ZFR2: variants seen among roughly 807,000 people sequenced by gnomAD.
The protein encoded by ZFR2 is zinc finger RNA binding protein 2.
ZFR2 carries 104 observed loss-of-function variants against 105.7 expected under a neutral mutation model. That is an observed-to-expected ratio of 0.98 (90% CI 0.84 to 1.16). The LOEUF (loss-of-function observed/expected upper bound fraction) is 1.16, where lower values mean the gene tolerates loss of function less well. Among genes scored for constraint, ZFR2 ranks in the 50% most tolerant of loss-of-function variants. The pLI, the probability that ZFR2 is intolerant of heterozygous loss-of-function variation, is 0.00. For missense variants in ZFR2, 1,425 were observed against 1,355.5 expected (o/e 1.05, Z -0.80); for synonymous variants, 634 against 597.7 (o/e 1.06, Z -0.89).
chr19:3,815,876 C>T (rs1462328874), intron 13 of ZFR2, among the ~76,000 whole-genome samples: 1 of 151,782 alleles, frequency 6.6e-6, no homozygotes, highest in African/African-American at 2.4e-5. Context: ...CTCAGCCTCC[C>T]GAGTAGCTGA....
intron 12 of ZFR2, among the ~76,000 whole-genome samples, chr19:3,818,156 G>T (rs2037846132): frequency 6.6e-6 from 1 of 152,266 alleles, no homozygotes; most frequent in South Asian, 2.1e-4. Flanking sequence ...TCAGTGTTGT[G>T]TGATGTGGAT....
intron 1 of ZFR2, chr19:3,851,972 G>T (rs1412568443): frequency 4.8e-6 from 1 of 210,322 alleles, no homozygotes; most frequent in African/African-American, 2.3e-5. Flanking sequence ...TACAGAAAAG[G>T]TCCGCTGACC....
Position 3,855,385 on chromosome 19 carries a change from C to G in ZFR2, c.53+13580G>C, listed in dbSNP as rs139628604. ...TTTGCGGGTTGCACTATGAGAAATTCTGTGTGTACAAAATACCTGACAGAA... is the reference window on the plus strand; with the variant it reads ...TTTGCGGGTTGCACTATGAGAAATTGTGTGTGTACAAAATACCTGACAGAA... On this transcript the variant is annotated intron_variant, in intron 1 of 18. Coordinates refer to ENST00000262961, the MANE Select transcript of ZFR2 (RefSeq NM_015174.2). 7.2e-4 allele frequency: 887 copies of G among 1,231,668 alleles called. 3 individuals carry two copies. In the African/African-American group the frequency reaches 0.012, roughly 17 times the overall value. The allele number at this position is 1,231,668 out of a possible 1,614,324, so 76.3% of individuals were successfully genotyped here.
intron 5 of ZFR2, among the ~76,000 whole-genome samples, chr19:3,830,276 T>C (rs1376758301): frequency 6.6e-6 from 1 of 151,966 alleles, no homozygotes; most frequent in African/African-American, 2.4e-5. Context: ...CCCATCTCTA[T>C]TGAAAATTTA....
chr19:3,817,086 G>A (rs928637499), intron 12 of ZFR2, among the ~76,000 whole-genome samples: 2 of 152,182 alleles, frequency 1.3e-5, no homozygotes, highest in Non-Finnish European at 2.9e-5. Flanking sequence ...CGGGACGCGT[G>A]GCCAAACCCA....
In ZFR2 at chr19:3,813,915, G is replaced by A. The variant is rs1162754452; in HGVS notation, c.2147C>T (p.Ala716Val). ...DEYEVSSDPE[A>V]NIVISSCEEP... The stretch of plus-strand genomic sequence containing the variant: ...CTCACAGGAGGAGATGACAATGTTG[G>A]CTTCAGGGTCGGAGGAGACCTCATA... The change falls in exon 14 of 19, where the codon GCC (alanine) becomes GTC (valine). Residue 716 changes from alanine (A) to valine (V), a missense_variant. By Grantham distance (64) the Ala-to-Val change is moderately conservative. Transcript: ENST00000262961. This position sits in a 1 kb window ranked among gnomAD's most constrained non-coding sequence, Gnocchi z 4.4. 14 of 1,613,950 alleles carry A rather than the reference G, an allele frequency of 8.7e-6. No individual in the cohort carries two copies. Among genetic ancestry groups the A allele is most frequent in the Non-Finnish European group, 1.2e-5 (14 of 1,179,874 alleles).
At chr19:3,864,684 C>T (rs983116597) in intron 1 of ZFR2, among the ~76,000 whole-genome samples, 4 of 152,172 alleles carry the variant, frequency 2.6e-5, no homozygotes, top group African/African-American at 9.6e-5. Flanking sequence ...CAGCTATTCT[C>T]AGCTAAAAAA....
intron 5 of ZFR2, 107 bp from the exon 6 acceptor site, chr19:3,827,760 G>A: frequency 7.8e-7 from 1 of 1,289,638 alleles, no homozygotes; most frequent in Non-Finnish European, 1.1e-6. Flanking sequence ...TGGTAACAGA[G>A]GCCCGCTGTC....
intron 1 of ZFR2, among the ~76,000 whole-genome samples, chr19:3,849,212 T>C (rs1301578642): frequency 2.0e-5 from 3 of 151,994 alleles, no homozygotes; most frequent in Admixed American, 6.6e-5. Context: ...GGTGGAAGGC[T>C]GAGCAGAGTC....
intron 1 of ZFR2, among the ~76,000 whole-genome samples, chr19:3,849,737 T>C (rs889699048): frequency 6.6e-6 from 1 of 152,172 alleles, no homozygotes; most frequent in African/African-American, 2.4e-5. Context: ...GTCAGCACCA[T>C]GAAGACAGTG....
At chr19:3,847,241 G>C (rs1306859605) in intron 1 of ZFR2, among the ~76,000 whole-genome samples, 3 of 152,144 alleles carry the variant, frequency 2.0e-5, no homozygotes, top group Non-Finnish European at 4.4e-5. Flanking sequence ...TCATAGAGCC[G>C]GGGGCAGGGG....
rs367644907 is a variant in ZFR2, at chr19:3,810,785, G to A, written c.2398C>T (p.Arg800Trp). ...IVIRVLRDLCRRVPTWGALPA... is the reference protein window; with the variant it reads ...IVIRVLRDLCWRVPTWGALPA... Reference sequence around the variant, plus strand: ...AGGGCCCCCCAGGTGGGCACACGCCGGCAGAGGTCCCTCAGGACCCTGATG... The same window carrying A: ...AGGGCCCCCCAGGTGGGCACACGCCAGCAGAGGTCCCTCAGGACCCTGATG... Residue 800 changes from arginine (R) to tryptophan (W), a missense_variant, in exon 16 of 19, where the codon CGG becomes TGG. By Grantham distance (101) the Arg-to-Trp change is moderately radical. Coordinates refer to ENST00000262961, the MANE Select transcript of ZFR2 (RefSeq NM_015174.2). The A allele has an allele frequency of 1.7e-5, 26 of 1,550,026 alleles. No individual in the cohort carries two copies. The highest frequency in any genetic ancestry group is 5.9e-5 in the Admixed American group (3 of 50,966).
At position 3,825,312 on chromosome 19, in the gene ZFR2, CGTG is replaced by C. The variant is rs754560848; in HGVS notation, c.1128_1130del (p.Thr377del). Reference sequence around the variant, plus strand: ...CACACACGCTGGGGCCAGTGGGGGACGTGGGCTTGGCCTCTGCCCCGGGGGGGC... The same window carrying C: ...CACACACGCTGGGGCCAGTGGGGGACGGCTTGGCCTCTGCCCCGGGGGGGC... On this transcript the variant is annotated inframe_deletion, in exon 7 of 19. Coordinates refer to ENST00000262961, the MANE Select transcript of ZFR2 (RefSeq NM_015174.2). 2 of 1,581,868 alleles carry C rather than the reference CGTG, an allele frequency of 1.3e-6. No individual in the cohort carries two copies. Among genetic ancestry groups the C allele is most frequent in the Non-Finnish European group, 1.7e-6 (2 of 1,169,484 alleles).
chr19:3,812,771 A>C (rs2037780205), intron 14 of ZFR2, among the ~76,000 whole-genome samples: 1 of 151,980 alleles, frequency 6.6e-6, no homozygotes. Context: ...ACAAAACAAA[A>C]CACTTAAGCT....
At chr19:3,822,005 G>A in intron 9 of ZFR2, 76 bp downstream of exon 9, 3 of 1,511,090 alleles carry the variant, frequency 2.0e-6, no homozygotes, top group African/African-American at 2.8e-5. Flanking sequence ...GAAGAGGCCC[G>A]ACCACAGGCC....
intron 7 of ZFR2, among the ~76,000 whole-genome samples, chr19:3,825,027 G>C (rs1041271002): frequency 2.0e-5 from 3 of 152,120 alleles, no homozygotes; most frequent in Non-Finnish European, 4.4e-5. Flanking sequence ...GGTCTCAAAG[G>C]GTCTCCAAGG....
chr19:3,842,506 G>T (rs968461056), intron 1 of ZFR2, among the ~76,000 whole-genome samples: 16 of 152,024 alleles, frequency 1.1e-4, no homozygotes, highest in Non-Finnish European at 2.1e-4. Context: ...GCTTTATTGA[G>T]ATATAATTCA....
rs10579892 is a variant in ZFR2 at position 3,815,750 on chromosome 19, A to AT, written c.2103+923dup. 3.5e-3 allele frequency among the ~76,000 whole-genome samples: 477 copies of AT among 136,976 alleles called. 6 individuals are homozygous for AT. Among genetic ancestry groups the AT allele is most frequent in the African/African-American group, 9.0e-3 (333 of 37,126 alleles). The allele number at this position is 136,976 out of a possible 152,430, so 89.9% of individuals were successfully genotyped here. ...AGGTACATGCCGCCATGCTCAGCTA[A>AT]TTTTTTTTTTTTTTTTTTTTAGACG... On this transcript the variant is annotated intron_variant, in intron 13 of 18. Transcript: ENST00000262961.
rs755776377 is a variant in ZFR2 at position 3,831,410 on chromosome 19, C to G, written c.745G>C (p.Asp249His). 1 of 1,555,236 alleles carries G rather than the reference C, an allele frequency of 6.4e-7. No homozygotes were observed. Among genetic ancestry groups the G allele is most frequent in the South Asian group, 1.2e-5 (1 of 84,430 alleles). The change falls in exon 5 of 19, where the codon GAC becomes CAC. Residue 249 changes from aspartate (D) to histidine (H), a missense_variant. Physicochemically the swap from Asp to His is moderately conservative, Grantham distance 81. Coordinates refer to ENST00000262961, the MANE Select transcript of ZFR2 (RefSeq NM_015174.2). ...TTGCTGGGAAGCGGTGGCTTCGAGTCGGCCCTGGGGCTGCTTCCTGAGCCT... is the reference window on the plus strand; with the variant it reads ...TTGCTGGGAAGCGGTGGCTTCGAGTGGGCCCTGGGGCTGCTTCCTGAGCCT... ...PAGSGSSPRA[D>H]SKPPLPSKLP... is the part of the protein sequence containing the mutation.
Sources: allele counts gnomAD v4.1 joint callset (sites outside exome capture counted in the v4.1 genomes callset), GRCh38; gene constraint gnomAD v4.1.1; non-coding constraint Gnocchi (gnomAD v3.1); transcripts MANE v1.5; gene names NCBI Gene and HGNC (gene_info 2026-07-23, HGNC 2026-07-21).